NUBPL: variants seen among roughly 807,000 people sequenced by gnomAD.
NUBPL encodes the protein iron-sulfur cluster transfer protein NUBPL.
Under a neutral mutation model 45.7 loss-of-function variants are expected in NUBPL, and 31 were observed. The observed-to-expected ratio is 0.68, with a 90% CI of 0.51 to 0.92. The LOEUF (loss-of-function observed/expected upper bound fraction) is 0.92, where lower values mean the gene tolerates loss of function less well. NUBPL is among the 40% of genes least tolerant of loss of function. NUBPL has a pLI of 0.00. For synonymous variants in NUBPL, 144 were observed against 140.9 expected (o/e 1.02, Z -0.15); for missense variants, 401 against 398.7 (o/e 1.01, Z -0.05).
intron 4 of NUBPL, among the ~76,000 whole-genome samples, chr14:31,642,097 A>T (rs757203324): frequency 6.6e-6 from 1 of 152,056 alleles, no homozygotes; most frequent in Non-Finnish European, 1.5e-5. Context: ...TGTCAGATGG[A>T]TAGTTTACAA....
chr14:31,696,204 A>T (rs899723753), intron 6 of NUBPL, among the ~76,000 whole-genome samples: 1 of 152,212 alleles, frequency 6.6e-6, no homozygotes, highest in Non-Finnish European at 1.5e-5. Context: ...TTCTGGTTAT[A>T]TATAGCTGAG....
chr14:31,582,533 A>G (rs1348337864), intron 3 of NUBPL, among the ~76,000 whole-genome samples: 1 of 152,104 alleles, frequency 6.6e-6, no homozygotes, highest in Non-Finnish European at 1.5e-5. Flanking sequence ...AACAAGAGGA[A>G]TGTTTGCAGC....
At chr14:31,627,225 C>CT (rs201304835) in intron 4 of NUBPL, among the ~76,000 whole-genome samples, 63 of 152,020 alleles carry the variant, frequency 4.1e-4, no homozygotes, top group African/African-American at 1.4e-3. Flanking sequence ...CCCCGCTTTA[C>CT]TTTTTAAAAA....
chr14:31,624,324 T>C (rs2035149069), intron 4 of NUBPL, among the ~76,000 whole-genome samples: 1 of 152,192 alleles, frequency 6.6e-6, no homozygotes, highest in South Asian at 2.1e-4. Flanking sequence ...AGAAATGTAT[T>C]CTTAAATGAT....
At chr14:31,561,952 C>A in intron 1 of NUBPL, 116 bp from the exon 2 acceptor site, 1 of 964,628 alleles carries the variant, frequency 1.0e-6, no homozygotes, top group Non-Finnish European at 1.6e-6. Flanking sequence ...TGAAGATGAG[C>A]AGAATTAGAA....
chr14:31,826,075 G>T (rs1021656305), intron 7 of NUBPL, among the ~76,000 whole-genome samples: 1 of 152,050 alleles, frequency 6.6e-6, no homozygotes, highest in African/African-American at 2.4e-5. Flanking sequence ...TCCACTGATA[G>T]AGTTATGATC....
chr14:31,597,037 C>A (rs1338585851), intron 3 of NUBPL, among the ~76,000 whole-genome samples: 2 of 152,150 alleles, frequency 1.3e-5, no homozygotes, highest in Admixed American at 6.5e-5. Flanking sequence ...TATAACTTTG[C>A]TGTCTAATGT....
At chr14:31,634,679 G>T (rs1258217021) in intron 4 of NUBPL, among the ~76,000 whole-genome samples, 1 of 152,132 alleles carries the variant, frequency 6.6e-6, no homozygotes, top group African/African-American at 2.4e-5. Context: ...CTTCCACAAT[G>T]GTTGAACCAG....
At chr14:31,811,734 G>T (rs1267831610) in intron 7 of NUBPL, among the ~76,000 whole-genome samples, 1 of 152,108 alleles carries the variant, frequency 6.6e-6, no homozygotes, top group Admixed American at 6.6e-5. Context: ...TTCTGCTCTG[G>T]TTTCTCTCCA....
chr14:31,850,620 T>G (rs1464395946), intron 10 of NUBPL, among the ~76,000 whole-genome samples: 1 of 151,848 alleles, frequency 6.6e-6, no homozygotes, highest in Admixed American at 6.6e-5. Flanking sequence ...GTGGGATTTT[T>G]TTTTCTTTCC....
rs1226204671 is a variant in NUBPL at position 31,859,142 on chromosome 14, G to A, written c.922G>A (p.Val308Met). 1.2e-6 allele frequency: 2 copies of A among 1,613,776 alleles called. No homozygotes were observed. Among genetic ancestry groups the A allele is most frequent in the Non-Finnish European group, 1.7e-6 (2 of 1,179,880 alleles). The change falls in exon 11 of 11, where the codon GTG becomes ATG. Residue 308 changes from valine to methionine, a missense_variant. Transcript: ENST00000281081. ...DEAKAYLRIA[V>M]EVVRRLPSPS... Reference sequence around the variant, plus strand: ...GGCCAAAGCTTACTTGAGGATTGCTGTGGAAGTGGTAAGAAGATTGCCATC... The same window carrying A: ...GGCCAAAGCTTACTTGAGGATTGCTATGGAAGTGGTAAGAAGATTGCCATC...
chr14:31,654,440 G>A (rs1163423396), intron 4 of NUBPL, among the ~76,000 whole-genome samples: 7 of 146,164 alleles, frequency 4.8e-5, no homozygotes, highest in African/African-American at 1.3e-4. Context: ...ACAGAGTCTC[G>A]CTCTGTTGCC....
chr14:31,610,463 T>C (rs1160869744), intron 4 of NUBPL, among the ~76,000 whole-genome samples: 2 of 151,786 alleles, frequency 1.3e-5, no homozygotes, highest in Non-Finnish European at 2.9e-5. Flanking sequence ...ACCCAATAGC[T>C]TCACTGCTGA....
chr14:31,619,882 A>G (rs961461053), intron 4 of NUBPL, among the ~76,000 whole-genome samples: 1 of 152,074 alleles, frequency 6.6e-6, no homozygotes, highest in Non-Finnish European at 1.5e-5. Flanking sequence ...AGTGTTTTCC[A>G]ACTTGGTTCC....
At chr14:31,743,327 GTGCCATTACAAATTTA>G (rs1451044123) in intron 6 of NUBPL, among the ~76,000 whole-genome samples, 3 of 151,972 alleles carry the variant, frequency 2.0e-5, no homozygotes, top group Non-Finnish European at 4.4e-5. Context: ...CTCCAGATTG[GTGCCATTACAAATTTA>G]TGGTATTCAT....
intron 6 of NUBPL, among the ~76,000 whole-genome samples, chr14:31,777,302 T>C (rs1047892403): frequency 6.6e-6 from 1 of 152,206 alleles, no homozygotes; most frequent in Non-Finnish European, 1.5e-5. Flanking sequence ...GACTACCTGC[T>C]CCAGGTCCAT....
At chr14:31,756,707 A>G (rs77049923) in intron 6 of NUBPL, among the ~76,000 whole-genome samples, 54,506 of 149,012 alleles carry the variant, frequency 0.37, 12,225 homozygotes, top group East Asian at 0.59. Flanking sequence ...TCTCCTGCCT[A>G]ATTGCCCTGG....
intron 6 of NUBPL, among the ~76,000 whole-genome samples, chr14:31,722,708 A>T (rs1044992746): frequency 6.6e-6 from 1 of 152,082 alleles, no homozygotes; most frequent in Non-Finnish European, 1.5e-5. Context: ...GCTTGTTTTC[A>T]TATGTTTGTT....
intron 8 of NUBPL, among the ~76,000 whole-genome samples, chr14:31,831,129 T>C (rs1300186485): frequency 2.7e-5 from 4 of 150,932 alleles, no homozygotes; most frequent in Non-Finnish European, 5.9e-5. Context: ...CTGCAACCCC[T>C]GCCTCCTGGG....
Sources: gnomAD v4.1 joint callset for allele counts (sites outside exome capture counted in the v4.1 genomes callset) on GRCh38, gnomAD v4.1.1 for gene constraint, MANE v1.5 for transcripts, NCBI Gene and HGNC (gene_info 2026-07-23, HGNC 2026-07-21) for gene names.